FRK: variants seen among roughly 807,000 people sequenced by gnomAD.
The protein encoded by FRK is fyn related Src family tyrosine kinase.
Under a neutral mutation model 56.4 loss-of-function variants are expected in FRK, and 51 were observed. That is an observed-to-expected ratio of 0.90 (90% CI 0.72 to 1.14). The LOEUF is 1.14. FRK is among the 50% of genes most tolerant of loss of function. The probability of loss-of-function intolerance (pLI) is 0.00; values close to 1 mark genes in which losing one functional copy is unlikely to be tolerated. For synonymous variants in FRK, 245 were observed against 217.9 expected (o/e 1.12, Z -1.10); for missense variants, 570 against 601.4 (o/e 0.95, Z 0.55).
chr6:116,077,585 C>T, the FRK span, among the ~76,000 whole-genome samples: 3 of 152,162 alleles, frequency 2.0e-5, no homozygotes, highest in Non-Finnish European at 4.4e-5. Flanking sequence ...ACTGTAATTA[C>T]CCTTAATTTC....
chr6:116,052,728 A>G (rs561860312), intron 1 of FRK, among the ~76,000 whole-genome samples: 20 of 152,252 alleles, frequency 1.3e-4, no homozygotes, highest in African/African-American at 4.8e-4. Flanking sequence ...CAGAGAGAAT[A>G]GCCCATCTGA....
At chr6:115,960,311 C>T (rs1045441197) in intron 4 of FRK, among the ~76,000 whole-genome samples, 4 of 150,860 alleles carry the variant, frequency 2.7e-5, no homozygotes, top group Admixed American at 2.0e-4. Context: ...CGGGTCACTC[C>T]CACCCGAATA....
At chr6:116,058,199 A>G (rs1777467992) in intron 1 of FRK, among the ~76,000 whole-genome samples, 1 of 152,212 alleles carries the variant, frequency 6.6e-6, no homozygotes, top group Non-Finnish European at 1.5e-5. Flanking sequence ...CAGGACATAG[A>G]AATCATAAAG....
intron 1 of FRK, among the ~76,000 whole-genome samples, chr6:116,017,699 G>A (rs928365239): frequency 2.6e-5 from 4 of 152,168 alleles, no homozygotes; most frequent in African/African-American, 9.7e-5. Flanking sequence ...GTAGAGCTCA[G>A]GATGCTGTAG....
At chr6:115,982,260 T>C (rs1774225374) in intron 2 of FRK, among the ~76,000 whole-genome samples, 3 of 152,138 alleles carry the variant, frequency 2.0e-5, no homozygotes, top group African/African-American at 7.2e-5. Flanking sequence ...CTAAGACTCA[T>C]ACCATTAGCT....
chr6:115,972,664 A>C (rs1046145373), intron 2 of FRK, among the ~76,000 whole-genome samples: 1 of 152,200 alleles, frequency 6.6e-6, no homozygotes, highest in African/African-American at 2.4e-5. Context: ...GAGTATGGAG[A>C]TCTGACTTTG....
In FRK at chr6:115,968,694, T is replaced by C; in HGVS notation, c.512A>G (p.Asp171Gly). 1 of 1,613,876 alleles carries C rather than the reference T, an allele frequency of 6.2e-7. No homozygotes were observed. The highest frequency in any genetic ancestry group is 2.2e-5 in the East Asian group (1 of 44,874). Reference sequence around the variant, plus strand: ...TCGCGTGAGAAAAAATCCCCCTTCATCCAGTCTTTTAATTCTGTAGTGTTT... The same window carrying C: ...TCGCGTGAGAAAAAATCCCCCTTCACCCAGTCTTTTAATTCTGTAGTGTTT... ...VVKHYRIKRL[D>G]EGGFFLTRRR... The change falls in exon 3 of 8, where the codon GAT (aspartate) becomes GGT (glycine). Residue 171 changes from aspartate (D) to glycine (G), a missense_variant. Coordinates refer to ENST00000606080, the MANE Select transcript of FRK (RefSeq NM_002031.3).
intron 2 of FRK, among the ~76,000 whole-genome samples, chr6:115,985,322 G>A (rs1311961276): frequency 8.6e-5 from 13 of 151,938 alleles, no homozygotes; most frequent in Admixed American, 8.5e-4. Context: ...TTCCTTTCAG[G>A]GACTAAGATA....
upstream of FRK, among the ~76,000 whole-genome samples, chr6:116,065,687 C>A (rs1777748872): frequency 1.3e-5 from 2 of 152,200 alleles, no homozygotes; most frequent in Non-Finnish European, 1.5e-5. Context: ...TGTGCCCTCC[C>A]AGCATAACCT....
chr6:116,056,979 T>G (rs1777423327), intron 1 of FRK, among the ~76,000 whole-genome samples: 1 of 152,226 alleles, frequency 6.6e-6, no homozygotes, highest in East Asian at 1.9e-4. Context: ...CATCTCTACT[T>G]CCAAGTATAA....
intron 1 of FRK, among the ~76,000 whole-genome samples, chr6:116,030,651 G>A (rs985207410): frequency 2.0e-5 from 3 of 152,130 alleles, no homozygotes; most frequent in Non-Finnish European, 4.4e-5. Context: ...GTGCATTTGG[G>A]GAGGGTGTGG....
chr6:116,074,954 A>C, the FRK span, among the ~76,000 whole-genome samples: 1 of 152,110 alleles, frequency 6.6e-6, no homozygotes, highest in Non-Finnish European at 1.5e-5. Context: ...GCCAGGCAGC[A>C]ATATATACTG....
At chr6:116,039,135 GGGAGAAGCTAGCTGAAA>G (rs370540283) in intron 1 of FRK, 2 of 916,622 alleles carry the variant, frequency 2.2e-6, no homozygotes, top group African/African-American at 1.6e-5. Flanking sequence ...GCTTGCACTG[GGGAGAAGCTAGCTGAAA>G]GGGAAGTGGC....
intron 2 of FRK, among the ~76,000 whole-genome samples, chr6:115,988,345 A>T (rs1031941603): frequency 3.9e-5 from 6 of 152,024 alleles, no homozygotes; most frequent in African/African-American, 1.4e-4. Flanking sequence ...CCATATAAAA[A>T]CTAGGTGCCT....
At chr6:115,977,794 T>C (rs1316429038) in intron 2 of FRK, among the ~76,000 whole-genome samples, 1 of 152,162 alleles carries the variant, frequency 6.6e-6, no homozygotes, top group Non-Finnish European at 1.5e-5. Context: ...AGTCTTATTC[T>C]AAAGACCCCA....
chr6:116,058,799 T>G (rs1048684144), intron 1 of FRK, among the ~76,000 whole-genome samples: 11 of 150,772 alleles, frequency 7.3e-5, no homozygotes, highest in African/African-American at 2.4e-4. Context: ...TAGTCCCAGC[T>G]ACTTGGAAGG....
chr6:116,062,936 A>T (rs1448101792), upstream of FRK, among the ~76,000 whole-genome samples: 1 of 152,166 alleles, frequency 6.6e-6, no homozygotes, highest in African/African-American at 2.4e-5. Flanking sequence ...CACCAGACAG[A>T]AAACAGAATA....
Position 115,938,395 on chromosome 6 carries a change from C to T in FRK, c.*4019G>A, listed in dbSNP as rs1212721529. 6.6e-6 allele frequency: 1 copy of T among 152,152 alleles called. No homozygotes were observed. The highest frequency in any genetic ancestry group is 1.9e-4 in the East Asian group (1 of 5,186). 9.4% of individuals were successfully genotyped at this position (152,152 alleles called of 1,614,324 possible). ...TCAGGAAAGAACTAAAATCTATACC[C>T]TAATATCACAATTAAAAGTACTAGA... On this transcript the variant is annotated 3_prime_UTR_variant, in exon 8 of 8. Transcript: ENST00000606080.
chr6:116,039,623 C>G, intron 1 of FRK: 1 of 761,260 alleles, frequency 1.3e-6, no homozygotes, highest in East Asian at 2.5e-5. Flanking sequence ...CTCATCCAAA[C>G]TGTACCTTCC....
Sources: gnomAD v4.1 joint callset for allele counts (sites outside exome capture counted in the v4.1 genomes callset) on GRCh38, gnomAD v4.1.1 for gene constraint, MANE v1.5 for transcripts, NCBI Gene and HGNC (gene_info 2026-07-23, HGNC 2026-07-21) for gene names.